Variants in FAM163B observed in about 807,000 individuals in gnomAD.
FAM163B encodes protein FAM163B.
A neutral mutation model predicts 7.6 loss-of-function variants in FAM163B; 4 were observed. The observed-to-expected ratio is 0.52, with a 90% CI of 0.26 to 1.20. The LOEUF is 1.20. FAM163B is among the 50% of genes most tolerant of loss of function. FAM163B has a pLI of 0.14. For missense variants in FAM163B, 250 were observed against 243.0 expected (o/e 1.03, Z -0.19); for synonymous variants, 120 against 111.6 (o/e 1.07, Z -0.47).
intron 1 of FAM163B, among the ~76,000 whole-genome samples, chr9:133,589,626 G>GCACACACACACA (rs142297232): frequency 1.6e-4 from 9 of 57,760 alleles, no homozygotes; most frequent in East Asian, 1.1e-3. Context: ...GCGACACAGC[G>GCACACACACACA]CGCACACACA....
At chr9:133,579,584 TATG>T (rs1831322741) in intron 2 of FAM163B, among the ~76,000 whole-genome samples, 155 bp from the exon 3 acceptor site, 1 of 152,226 alleles carries the variant, frequency 6.6e-6, no homozygotes. Context: ...TAACCAGTGC[TATG>T]GGTCTCACTC....
rs1020671735 is a variant in FAM163B, at chr9:133,579,314, G to A, written c.209C>T (p.Pro70Leu). ...SNRNLVLTNGPALYPTASTSF... is the reference protein window; with the variant it reads ...SNRNLVLTNGLALYPTASTSF... ...GGTGGAGGCGGTGGGGTAGAGCGCC[G>A]GCCCGTTGGTCAGCACCAGGTTGCG... Residue 70 changes from proline to leucine, a missense_variant, in exon 3 of 3, where the codon CCG becomes CTG. Physicochemically the swap from Pro to Leu is moderately conservative, Grantham distance 98. Transcript: ENST00000673969. The A allele has an allele frequency of 4.8e-5, 77 of 1,613,578 alleles. No individual in the cohort carries two copies. The African/African-American group carries it at 7.2e-4, about 15-fold the overall frequency.
intron 1 of FAM163B, among the ~76,000 whole-genome samples, chr9:133,580,480 G>C (rs1440118427): frequency 1.3e-5 from 2 of 152,226 alleles, no homozygotes; most frequent in Non-Finnish European, 2.9e-5. Context: ...ATCCGTAGAA[G>C]GTGGATGCTA....
chr9:133,594,951 C>A (rs562269108), intron 1 of FAM163B, among the ~76,000 whole-genome samples: 2 of 152,082 alleles, frequency 1.3e-5, no homozygotes, highest in Non-Finnish European at 2.9e-5. Context: ...ACAAGAGGGG[C>A]GAGGTCAGCA....
chr9:133,579,318 C>CGTTGGT lies in FAM163B; in HGVS notation c.199_204dup (p.Thr67_Asn68dup), dbSNP rs960526762. 4 of 1,613,528 alleles carry CGTTGGT rather than the reference C, an allele frequency of 2.5e-6. No individual in the cohort carries two copies. The African/African-American group carries it at 4.0e-5, about 16-fold the overall frequency. ...GAGGCGGTGGGGTAGAGCGCCGGCC[C>CGTTGGT]GTTGGTCAGCACCAGGTTGCGGTTG... On this transcript the variant is annotated inframe_insertion, in exon 3 of 3. Transcript: ENST00000673969.
chr9:133,580,045 G>C, intron 2 of FAM163B, 86 bp downstream of exon 2: 15 of 1,160,414 alleles, frequency 1.3e-5, no homozygotes, highest in Non-Finnish European at 1.9e-5. Context: ...CGTGACCCTT[G>C]TGACCTTCAG....
intron 1 of FAM163B, among the ~76,000 whole-genome samples, chr9:133,590,838 C>T (rs147251998): frequency 3.5e-4 from 54 of 152,286 alleles, no homozygotes; most frequent in East Asian, 1.5e-3. Context: ...GTCAAGGGGC[C>T]GACAGAACAG....
In FAM163B at chr9:133,579,234, A is replaced by G; in HGVS notation, c.289T>C (p.Cys97Arg). Residue 97 changes from cysteine to arginine, a missense_variant, in exon 3 of 3, where the codon TGC becomes CGC. Physicochemically the swap from Cys to Arg is radical, Grantham distance 180 (BLOSUM62 -3). Transcript: ENST00000673969. The stretch of plus-strand genomic sequence containing the variant: ...TGCAGGAAGAAGGTGGGGGGCTCGC[A>G]GTGGGAGCAGCTGCGGCAGAGGGCG... ...ARALCRSCSHCEPPTFFLQEP... is the reference protein window; with the variant it reads ...ARALCRSCSHREPPTFFLQEP... 3 of 1,611,950 alleles carry G rather than the reference A, an allele frequency of 1.9e-6. No individual in the cohort carries two copies. Among genetic ancestry groups the G allele is most frequent in the Non-Finnish European group, 2.5e-6 (3 of 1,179,764 alleles).
In FAM163B at chr9:133,600,220, G is replaced by T. The variant is rs3888560; in HGVS notation, c.-24+8857C>A. On this transcript the variant is annotated intron_variant, in intron 1 of 2. Coordinates refer to ENST00000673969, the MANE Select transcript of FAM163B (RefSeq NM_001080515.3). This position sits in a 1 kb window ranked among gnomAD's most constrained non-coding sequence, Gnocchi z 4.9. ...TGGTCTGTGTGAGTGTGTGTGTGTG[G>T]GGGGGAATGTGGTCTGTGTGCATGT... Among the ~76,000 whole-genome samples, 45,079 of 147,848 alleles carry T rather than the reference G, an allele frequency of 0.3. 7,063 individuals carry two copies. Among genetic ancestry groups the T allele is most frequent in the African/African-American group, 0.39 (15,496 of 39,956 alleles).
At position 133,577,276 on chromosome 9, in the gene FAM163B, A is replaced by G. The variant is rs1588317694; in HGVS notation, c.*1746T>C. ...TCATGAGGGCTGGGCCCTCATCCCC[A>G]CCCCACCCAGCCCACCCCCCACGCC... On this transcript the variant is annotated 3_prime_UTR_variant, in exon 3 of 3. Transcript: ENST00000673969. Among the ~76,000 whole-genome samples, 1 of 143,896 alleles carries G rather than the reference A, an allele frequency of 6.9e-6. No homozygotes were observed. The highest frequency in any genetic ancestry group is 2.4e-4 in the South Asian group (1 of 4,130). 94.4% of individuals were successfully genotyped at this position (143,896 alleles called of 152,430 possible). A position where few individuals can be genotyped will look rare whatever the true frequency, so the allele number is the denominator to read the frequency against.
chr9:133,601,081 A>G lies in FAM163B; in HGVS notation c.-24+7996T>C, dbSNP rs561648229. Among the ~76,000 whole-genome samples the G allele has an allele frequency of 6.6e-6, 1 of 152,162 alleles. No homozygotes were observed. The highest frequency in any genetic ancestry group is 1.5e-5 in the Non-Finnish European group (1 of 68,008). ...GGAGCAGGGCCTCAGAGGGCAGCAG[A>G]GCCTGTGAGCTGACAACCCTTCTTC... is the stretch of plus-strand genomic sequence containing the variant. On this transcript the variant is annotated intron_variant, in intron 1 of 2. Transcript: ENST00000673969. This position sits in a 1 kb window ranked among gnomAD's most constrained non-coding sequence, Gnocchi z 4.1.
chr9:133,590,049 TCC>T (rs1351385875), intron 1 of FAM163B, among the ~76,000 whole-genome samples: 1 of 35,728 alleles, frequency 2.8e-5, no homozygotes, highest in Non-Finnish European at 6.9e-5. Context: ...TCCCTTCCCT[TCC>T]CTTCCCTTCC....
In FAM163B at chr9:133,578,866, C is replaced by T; in HGVS notation, c.*156G>A. The T allele has an allele frequency of 7.3e-6, 10 of 1,369,118 alleles. No homozygotes were observed. The highest frequency in any genetic ancestry group is 3.2e-5 in the South Asian group (2 of 62,438). The allele number at this position is 1,369,118 out of a possible 1,614,324, so 84.8% of individuals were successfully genotyped here. A position where few individuals can be genotyped will look rare whatever the true frequency, so the allele number is the denominator to read the frequency against. On this transcript the variant is annotated 3_prime_UTR_variant, in exon 3 of 3. Transcript: ENST00000673969. ...AATGAGCCTTATCCCTGCCACGAGC[C>T]TGGGGGCTCCCCAAGCCTGGGCCTC... is the stretch of plus-strand genomic sequence containing the variant.
rs2131206069 is a variant in FAM163B, at chr9:133,578,961, C to G, written c.*61G>C. On this transcript the variant is annotated 3_prime_UTR_variant, in exon 3 of 3. Coordinates refer to ENST00000673969, the MANE Select transcript of FAM163B (RefSeq NM_001080515.3). ...GGGGCCTGGGGCCAGGTGGGTGTGCCAAAGGAATCCCCCCATTGTCTCAGG... is the reference window on the plus strand; with the variant it reads ...GGGGCCTGGGGCCAGGTGGGTGTGCGAAAGGAATCCCCCCATTGTCTCAGG... 1 of 1,444,102 alleles carries G rather than the reference C, an allele frequency of 6.9e-7. No individual in the cohort carries two copies. Among genetic ancestry groups the G allele is most frequent in the African/African-American group, 1.4e-5 (1 of 69,834 alleles). 89.5% of individuals were successfully genotyped at this position (1,444,102 alleles called of 1,614,324 possible).
intron 2 of FAM163B, 141 bp downstream of exon 2, chr9:133,579,990 G>A: frequency 1.5e-6 from 1 of 684,110 alleles, no homozygotes; most frequent in Non-Finnish European, 2.5e-6. Flanking sequence ...GCTGCCTTCT[G>A]CTGTGTGTCT....
Position 133,600,091 on chromosome 9 carries a change from G to A in FAM163B, c.-24+8986C>T, listed in dbSNP as rs61459840. Among the ~76,000 whole-genome samples the A allele has an allele frequency of 1.3e-5, 2 of 151,422 alleles. No homozygotes were observed. The highest frequency in any genetic ancestry group is 2.4e-5 in the African/African-American group (1 of 41,192). Reference sequence around the variant, plus strand: ...TGCATGTGTGTGTGTCTGTGTGCATGTGTGCCTCTGAATGTGTGTGGTCTA... The same window carrying A: ...TGCATGTGTGTGTGTCTGTGTGCATATGTGCCTCTGAATGTGTGTGGTCTA... On this transcript the variant is annotated intron_variant, in intron 1 of 2. Coordinates refer to ENST00000673969, the MANE Select transcript of FAM163B (RefSeq NM_001080515.3). This position sits in a 1 kb window ranked among gnomAD's most constrained non-coding sequence, Gnocchi z 4.9.
intron 1 of FAM163B, among the ~76,000 whole-genome samples, chr9:133,580,627 G>A (rs1831342468): frequency 2.0e-5 from 3 of 152,176 alleles, no homozygotes; most frequent in Non-Finnish European, 2.9e-5. Context: ...CAGTCAGGCC[G>A]AACATATGGT....
At position 133,601,158 on chromosome 9, in the gene FAM163B, TA is replaced by T; in HGVS notation, c.-24+7918del. 6.6e-6 allele frequency among the ~76,000 whole-genome samples: 1 copy of T among 152,236 alleles called. No homozygotes were observed. ...GGAGCCCTGAACACCCACTGCCCCA[TA>T]CTAGGCACAGGGGTTACAAAGATCC... is the stretch of plus-strand genomic sequence containing the variant. On this transcript the variant is annotated intron_variant, in intron 1 of 2. Transcript: ENST00000673969. The surrounding 1 kb of genome is among the most constrained non-coding windows in gnomAD (Gnocchi z 4.1).
intron 1 of FAM163B, among the ~76,000 whole-genome samples, chr9:133,588,763 G>C (rs952889265): frequency 9.1e-5 from 3 of 32,954 alleles, no homozygotes; most frequent in African/African-American, 3.4e-4. Context: ...CCCAGAGAGG[G>C]GACCTTGCCC....
Sources: allele counts gnomAD v4.1 joint callset (sites outside exome capture counted in the v4.1 genomes callset), GRCh38; gene constraint gnomAD v4.1.1; non-coding constraint Gnocchi (gnomAD v3.1); transcripts MANE v1.5; gene names NCBI Gene and HGNC (gene_info 2026-07-23, HGNC 2026-07-21).